Variants in COL12A1 observed in about 807,000 individuals in gnomAD.
The protein encoded by COL12A1 is collagen type XII alpha 1 chain, also known as collagen alpha-1(XII) chain.
In COL12A1, 114 loss-of-function variants were observed where a neutral mutation model predicts 349.7. That is an observed-to-expected ratio of 0.33 (90% CI 0.28 to 0.38). The LOEUF (loss-of-function observed/expected upper bound fraction) is 0.38, where lower values mean the gene tolerates loss of function less well. Ranked by LOEUF, COL12A1 falls within the 10% of genes least tolerant of loss-of-function variation. COL12A1 has a pLI of 1.00. For missense variants in COL12A1, 3,284 were observed against 3,756.9 expected (o/e 0.87, Z 3.29); for synonymous variants, 1,369 against 1,329.0 (o/e 1.03, Z -0.66).
Position 75,156,139 on chromosome 6 carries a change from T to C in COL12A1, c.3250+118A>G, listed in dbSNP as rs542739352. The C allele has an allele frequency of 4.5e-4, 567 of 1,270,100 alleles. 8 individuals are homozygous for C. In the South Asian group the frequency reaches 7.8e-3, roughly 17 times the overall value. The allele number at this position is 1,270,100 out of a possible 1,614,324, so 78.7% of individuals were successfully genotyped here. ...TGTTATTTAGACATTGTCTAGTAATTATAATTTAACTTATTACGGAATCAG... is the reference window on the plus strand; with the variant it reads ...TGTTATTTAGACATTGTCTAGTAATCATAATTTAACTTATTACGGAATCAG... On this transcript the variant is annotated intron_variant, in intron 15 of 65. Coordinates refer to ENST00000322507, the MANE Select transcript of COL12A1 (RefSeq NM_004370.6).
At chr6:75,158,843 T>A (rs187950526) in intron 14 of COL12A1, among the ~76,000 whole-genome samples, 145 of 151,364 alleles carry the variant, frequency 9.6e-4, no homozygotes, top group African/African-American at 3.2e-3. Context: ...AAAGAAAAAA[T>A]TTTTTTAATG....
In COL12A1 at chr6:75,175,188, C is replaced by A. The variant is rs748681665; in HGVS notation, c.2560G>T (p.Gly854Cys). ...CTCACAGTGACCTCTTGAGTTTCAC[C>A]CCCTGCCACTGGGGTATATGTGACG... The part of the protein sequence containing the change: ...YLVTYTPVAG[G>C]ETQEVTVRGD... Residue 854 changes from glycine (G) to cysteine (C), a missense_variant, in exon 13 of 66, where the codon GGT becomes TGT. Transcript: ENST00000322507. 6.2e-7 allele frequency: 1 copy of A among 1,614,012 alleles called. No individual in the cohort carries two copies. Among genetic ancestry groups the A allele is most frequent in the Non-Finnish European group, 8.5e-7 (1 of 1,180,040 alleles).
intron 8 of COL12A1, among the ~76,000 whole-genome samples, chr6:75,185,861 T>C (rs1039814331): frequency 5.9e-5 from 9 of 152,112 alleles, no homozygotes; most frequent in African/African-American, 2.2e-4. Flanking sequence ...AAACAAGCAC[T>C]GGGGAAAGGA....
chr6:75,109,354 G>T (rs889186969), intron 51 of COL12A1, among the ~76,000 whole-genome samples, 187 bp from the exon 52 acceptor site: 8 of 152,058 alleles, frequency 5.3e-5, no homozygotes, highest in Non-Finnish European at 1.0e-4. Flanking sequence ...TATGAAATTA[G>T]ACAAGCCACT....
intron 59 of COL12A1, among the ~76,000 whole-genome samples, chr6:75,095,648 A>G (rs1482369318): frequency 2.1e-5 from 3 of 140,572 alleles, no homozygotes; most frequent in African/African-American, 7.5e-5. Flanking sequence ...AAAAAAAAAA[A>G]AAAGATAACA....
At chr6:75,123,922 G>C (rs772907297) in intron 42 of COL12A1, 26 bp downstream of exon 42, 31 of 1,592,392 alleles carry the variant, frequency 1.9e-5, no homozygotes, top group Non-Finnish European at 2.5e-5. Context: ...CCTTATGAAA[G>C]CTTTCCAGAT....
chr6:75,151,130 G>A lies in COL12A1; in HGVS notation c.4147+11C>T, dbSNP rs766457393. 1.3e-6 allele frequency: 2 copies of A among 1,568,262 alleles called. No homozygotes were observed. The highest frequency in any genetic ancestry group is 1.7e-5 in the Admixed American group (1 of 57,296). On this transcript the variant is annotated intron_variant, in intron 21 of 65. Transcript: ENST00000322507. ...CAGTGCTGAGGGAGAGAAACTCTGGGTTAAACTTACCTGGACCTTTGACAC... is the reference window on the plus strand; with the variant it reads ...CAGTGCTGAGGGAGAGAAACTCTGGATTAAACTTACCTGGACCTTTGACAC...
chr6:75,198,846 A>G (rs1278433498), intron 2 of COL12A1, among the ~76,000 whole-genome samples: 1 of 152,192 alleles, frequency 6.6e-6, no homozygotes, highest in Non-Finnish European at 1.5e-5. Context: ...ATGAACTACT[A>G]AGATCTTTAG....
chr6:75,156,594 G>T, intron 14 of COL12A1, 71 bp from the exon 15 acceptor site: 1 of 1,424,818 alleles, frequency 7.0e-7, no homozygotes, highest in Non-Finnish European at 9.6e-7. Flanking sequence ...CTTCATTTAT[G>T]TGAAAAGAAA....
Position 75,165,762 on chromosome 6 carries a change from CT to C in COL12A1, c.2727del (p.Asp910IlefsTer2). ...TCAGTGATGTCTTTAGTAACTAAAT[CT>C]TGAGGAGAACCACGTTCTAGAACAG... ...GTTLEERGSP[Q>X]DLVTKDITDT... On this transcript the variant is annotated frameshift_variant, in exon 14 of 66. Coordinates refer to ENST00000322507, the MANE Select transcript of COL12A1 (RefSeq NM_004370.6). LOFTEE classifies it high-confidence loss of function. 6.2e-7 allele frequency: 1 copy of C among 1,613,722 alleles called. No individual in the cohort carries two copies. Among genetic ancestry groups the C allele is most frequent in the Non-Finnish European group, 8.5e-7 (1 of 1,179,792 alleles).
chr6:75,185,019 C>T (rs1000191333), intron 8 of COL12A1, among the ~76,000 whole-genome samples: 2 of 152,196 alleles, frequency 1.3e-5, no homozygotes, highest in African/African-American at 4.8e-5. Flanking sequence ...GATGTTTATA[C>T]TGAATAGGCA....
Position 75,090,340 on chromosome 6 carries a change from A to T in COL12A1, c.8753-42T>A. ...GGCTTGTTAGTAAGAAACCCAATAA[A>T]GGACGGATGAGAGAGTGAAACTGTT... On this transcript the variant is annotated intron_variant, in intron 62 of 65. Transcript: ENST00000322507. The surrounding 1 kb of genome is among the most constrained non-coding windows in gnomAD (Gnocchi z 4.1). The T allele has an allele frequency of 6.4e-7, 1 of 1,554,384 alleles. No individual in the cohort carries two copies. The highest frequency in any genetic ancestry group is 1.2e-5 in the South Asian group (1 of 84,738).
In COL12A1 at chr6:75,113,128, A is replaced by G. The variant is rs1768913507; in HGVS notation, c.7950+76T>C. On this transcript the variant is annotated intron_variant, in intron 51 of 65. Transcript: ENST00000322507. ...ATAGTTATAATTCTGCCAATTTAAC[A>G]TGACATTTTAATAAATAATAAATTT... 6 of 732,874 alleles carry G rather than the reference A, an allele frequency of 8.2e-6. No individual in the cohort carries two copies. In the Admixed American group the frequency reaches 1.7e-4, roughly 21 times the overall value. 45.4% of individuals were successfully genotyped at this position (732,874 alleles called of 1,614,324 possible). A position where few individuals can be genotyped will look rare whatever the true frequency, so the allele number is the denominator to read the frequency against.
chr6:75,116,801 T>C (rs115993178), intron 47 of COL12A1, among the ~76,000 whole-genome samples: 9 of 152,236 alleles, frequency 5.9e-5, no homozygotes, highest in African/African-American at 1.9e-4. Flanking sequence ...TGCCTCCTGG[T>C]AATTATGGAG....
Position 75,189,373 on chromosome 6 carries a change from TGGC to T in COL12A1, c.664_666del (p.Ala222del). ...AAAGTATTTTTAACTAAATAATCAA[TGGC>T]ATCCCCTAAAGGGAAAAGAAACATG... On this transcript the variant is annotated inframe_deletion, in exon 7 of 66. Transcript: ENST00000322507. 1 of 1,612,526 alleles carries T rather than the reference TGGC, an allele frequency of 6.2e-7. No individual in the cohort carries two copies. Among genetic ancestry groups the T allele is most frequent in the Non-Finnish European group, 8.5e-7 (1 of 1,179,270 alleles).
intron 28 of COL12A1, 75 bp downstream of exon 28, chr6:75,138,747 C>A: frequency 6.3e-7 from 1 of 1,591,830 alleles, no homozygotes; most frequent in Non-Finnish European, 8.6e-7. Flanking sequence ...AAGAGTAATA[C>A]TTCTTTGAAC....
chr6:75,180,995 G>A lies in COL12A1; in HGVS notation c.2108C>T (p.Ala703Val), dbSNP rs1013873051. 30 of 1,613,834 alleles carry A rather than the reference G, an allele frequency of 1.9e-5. No homozygotes were observed. Among genetic ancestry groups the A allele is most frequent in the East Asian group, 8.9e-5 (4 of 44,892 alleles). Reference protein sequence around the residue: ...PETLYLVNVTAEYEDGFSIPL... With the variant: ...PETLYLVNVTVEYEDGFSIPL... ...AATGCTGAAGCCATCCTCATACTCC[G>A]CAGTCACATTGACCAAATACAAGGT... Residue 703 changes from alanine (A) to valine (V), a missense_variant, in exon 11 of 66, where the codon GCG becomes GTG. Physicochemically the swap from Ala to Val is moderately conservative, Grantham distance 64. Transcript: ENST00000322507.
At chr6:75,113,509 A>C in intron 50 of COL12A1, 93 bp downstream of exon 50, 3 of 1,191,414 alleles carry the variant, frequency 2.5e-6, no homozygotes, top group South Asian at 2.0e-5. Context: ...AAATAAATAT[A>C]TATATAGTCT....
At chr6:75,153,210 C>T (rs1767578412) in intron 17 of COL12A1, among the ~76,000 whole-genome samples, 1 of 151,778 alleles carries the variant, frequency 6.6e-6, no homozygotes, top group Admixed American at 6.6e-5. Context: ...TTTAAAGAAT[C>T]AAGAAAGAAG....
Sources: gnomAD v4.1 joint callset for allele counts (sites outside exome capture counted in the v4.1 genomes callset) on GRCh38, gnomAD v4.1.1 for gene constraint, Gnocchi (gnomAD v3.1) non-coding constraint, MANE v1.5 for transcripts, NCBI Gene and HGNC (gene_info 2026-07-23, HGNC 2026-07-21) for gene names.